Variants in DGKG observed in about 807,000 individuals in gnomAD.
DGKG encodes the protein diacylglycerol kinase gamma, also known as DAG kinase gamma.
Under a neutral mutation model 105.3 loss-of-function variants are expected in DGKG, and 78 were observed. That is an observed-to-expected ratio of 0.74 (90% CI 0.62 to 0.89). DGKG has a LOEUF of 0.89. Ranked by LOEUF, DGKG falls within the 40% of genes least tolerant of loss-of-function variation. The pLI is 0.00. For missense variants in DGKG, 958 were observed against 1,020.1 expected (o/e 0.94, Z 0.83); for synonymous variants, 346 against 367.1 (o/e 0.94, Z 0.66).
intron 9 of DGKG, among the ~76,000 whole-genome samples, chr3:186,278,413 G>A (rs1386273080): frequency 6.6e-6 from 1 of 152,146 alleles, no homozygotes; most frequent in Non-Finnish European, 1.5e-5. Context: ...CTTGGCAAGG[G>A]ATCATTGGGT....
intron 20 of DGKG, among the ~76,000 whole-genome samples, chr3:186,216,209 G>A (rs561507741): frequency 3.9e-5 from 6 of 151,924 alleles, no homozygotes; most frequent in African/African-American, 9.7e-5. Context: ...CATGTTGGCC[G>A]GGCTGGTCTT....
chr3:186,237,013 A>C (rs1218002158), intron 20 of DGKG, among the ~76,000 whole-genome samples: 1 of 152,216 alleles, frequency 6.6e-6, no homozygotes, highest in Non-Finnish European at 1.5e-5. Context: ...AAAACCCTTC[A>C]TGGAGACTTA....
intron 6 of DGKG, among the ~76,000 whole-genome samples, chr3:186,287,153 CG>C (rs1197865752): frequency 6.6e-6 from 1 of 152,018 alleles, no homozygotes; most frequent in Non-Finnish European, 1.5e-5. Context: ...GAATTTTACT[CG>C]GATCCTGATT....
intron 20 of DGKG, 56 bp downstream of exon 20, chr3:186,242,448 C>T: frequency 2.0e-6 from 3 of 1,480,548 alleles, no homozygotes; most frequent in South Asian, 1.3e-5. Context: ...TGAAAGGCCT[C>T]TGTTCCGCCA....
chr3:186,269,616 A>G lies in DGKG; in HGVS notation c.1000-699T>C, dbSNP rs944944121. On this transcript the variant is annotated intron_variant, in intron 11 of 24. Coordinates refer to ENST00000265022, the MANE Select transcript of DGKG (RefSeq NM_001346.3). Reference sequence around the variant, plus strand: ...CGACACTCCAGACCAAATAAATTAGAGTCTTTGAGGGTGGGGCACATGATT... The same window carrying G: ...CGACACTCCAGACCAAATAAATTAGGGTCTTTGAGGGTGGGGCACATGATT... 4.3e-4 allele frequency among the ~76,000 whole-genome samples: 65 copies of G among 152,150 alleles called. 1 individual carries two copies. The highest frequency in any genetic ancestry group is 1.5e-3 in the African/African-American group (63 of 41,414).
chr3:186,283,126 C>A (rs978504213), intron 7 of DGKG, among the ~76,000 whole-genome samples: 3 of 152,054 alleles, frequency 2.0e-5, no homozygotes, highest in Non-Finnish European at 2.9e-5. Context: ...CCAGGCTGGG[C>A]TCGAACTCCT....
rs777617049 is a variant in DGKG, at chr3:186,210,724, C to A, written c.1917+1071G>T. On this transcript the variant is annotated intron_variant, in intron 21 of 24. Coordinates refer to ENST00000265022, the MANE Select transcript of DGKG (RefSeq NM_001346.3). The surrounding 1 kb of genome is among the most constrained non-coding windows in gnomAD (Gnocchi z 5.2). ...CCAGGGAGGCCCAGGCCCCACTGGA[C>A]TGCAGTGCGGGCTTAGAGGCCAAGC... 2.4e-6 allele frequency: 1 copy of A among 408,194 alleles called. No homozygotes were observed. Among genetic ancestry groups the A allele is most frequent in the South Asian group, 1.7e-5 (1 of 57,784 alleles). 25.3% of individuals were successfully genotyped at this position (408,194 alleles called of 1,614,324 possible).
rs1338953992 is a variant in DGKG, at chr3:186,284,187, C to A, written c.594+473G>T. Among the ~76,000 whole-genome samples, 2 of 152,074 alleles carry A rather than the reference C, an allele frequency of 1.3e-5. No homozygotes were observed. Among genetic ancestry groups the A allele is most frequent in the Non-Finnish European group, 2.9e-5 (2 of 68,016 alleles). ...GAGGCAGCCAAGGGTGACGGCAAAG[C>A]ACATCAGCAGTGACCAGCAGCCTCC... On this transcript the variant is annotated intron_variant, in intron 7 of 24. Coordinates refer to ENST00000265022, the MANE Select transcript of DGKG (RefSeq NM_001346.3). The surrounding 1 kb of genome is among the most constrained non-coding windows in gnomAD (Gnocchi z 4.0).
rs529201006 is a variant in DGKG, at chr3:186,219,946, C to T, written c.1827-8061G>A. On this transcript the variant is annotated intron_variant, in intron 20 of 24. Coordinates refer to ENST00000265022, the MANE Select transcript of DGKG (RefSeq NM_001346.3). ...GGGACTTATTATAGCCAGGGGATCA[C>T]AGGTTCCAAAGAGTTCTTCCAAAGT... Among the ~76,000 whole-genome samples, 25 of 152,304 alleles carry T rather than the reference C, an allele frequency of 1.6e-4. No homozygotes were observed. In the South Asian group the frequency reaches 5.0e-3, roughly 30 times the overall value.
At chr3:186,233,096 C>A (rs552390639) in intron 20 of DGKG, among the ~76,000 whole-genome samples, 8 of 152,098 alleles carry the variant, frequency 5.3e-5, no homozygotes, top group Non-Finnish European at 1.2e-4. Flanking sequence ...TGTTAGGTTA[C>A]GTGGCAAAGG....
intron 7 of DGKG, among the ~76,000 whole-genome samples, chr3:186,283,867 A>G (rs1287087731): frequency 6.6e-6 from 1 of 152,034 alleles, no homozygotes; most frequent in East Asian, 1.9e-4. Context: ...TGTCTAGTGG[A>G]CTTCTTCCCT....
intron 20 of DGKG, among the ~76,000 whole-genome samples, chr3:186,236,034 G>A (rs1342149836): frequency 6.6e-6 from 1 of 152,178 alleles, no homozygotes; most frequent in African/African-American, 2.4e-5. Context: ...ATTTGGCACT[G>A]GACTTCGAAT....
At chr3:186,323,037 A>G (rs1725155049) in intron 1 of DGKG, among the ~76,000 whole-genome samples, 1 of 152,128 alleles carries the variant, frequency 6.6e-6, no homozygotes. Context: ...GGCCTTTGAC[A>G]ACAGCCTCCT....
intron 2 of DGKG, among the ~76,000 whole-genome samples, chr3:186,319,637 T>C (rs1724987825): frequency 6.6e-6 from 1 of 152,156 alleles, no homozygotes; most frequent in Admixed American, 6.5e-5. Context: ...TAAGTGACGG[T>C]CACTCTGTGT....
At chr3:186,161,502 C>A (rs1578604895) in intron 24 of DGKG, 101 bp downstream of exon 24, 5 of 1,578,152 alleles carry the variant, frequency 3.2e-6, no homozygotes, top group Non-Finnish European at 3.4e-6. Flanking sequence ...CTTCCACAGT[C>A]CCTGTGACTC....
intron 13 of DGKG, among the ~76,000 whole-genome samples, chr3:186,265,962 G>A (rs1030061220): frequency 1.3e-5 from 2 of 152,036 alleles, no homozygotes; most frequent in Non-Finnish European, 2.9e-5. Context: ...AAGCCACTGC[G>A]CCTGGCCGTC....
chr3:186,265,123 T>C, intron 14 of DGKG, 124 bp downstream of exon 14: 1 of 857,478 alleles, frequency 1.2e-6, no homozygotes, highest in Non-Finnish European at 1.9e-6. Flanking sequence ...TCCTGGGTGG[T>C]ATAATTAGTC....
chr3:186,305,508 A>C (rs1199939711), intron 3 of DGKG, among the ~76,000 whole-genome samples: 1 of 152,132 alleles, frequency 6.6e-6, no homozygotes, highest in African/African-American at 2.4e-5. Context: ...CTTCATGTTT[A>C]CTCTGAGTAG....
At position 186,361,110 on chromosome 3, in the gene DGKG, C is replaced by G. The variant is rs1727210285; in HGVS notation, c.-249+836G>C. On this transcript the variant is annotated intron_variant, in intron 1 of 24. Coordinates refer to ENST00000265022, the MANE Select transcript of DGKG (RefSeq NM_001346.3). The surrounding 1 kb of genome is among the most constrained non-coding windows in gnomAD (Gnocchi z 6.8). ...CCCTGAGTTCCGCAGCTCATCCCTC[C>G]CATCTGGGAGGTGGTTCTAGCTCTA... 6.6e-6 allele frequency among the ~76,000 whole-genome samples: 1 copy of G among 152,224 alleles called. No homozygotes were observed. The highest frequency in any genetic ancestry group is 2.4e-5 in the African/African-American group (1 of 41,466).
Sources: gnomAD v4.1 joint callset for allele counts (sites outside exome capture counted in the v4.1 genomes callset) on GRCh38, gnomAD v4.1.1 for gene constraint, Gnocchi (gnomAD v3.1) non-coding constraint, MANE v1.5 for transcripts, NCBI Gene and HGNC (gene_info 2026-07-23, HGNC 2026-07-21) for gene names.